STARD6: variants seen among roughly 807,000 people sequenced by gnomAD.
STARD6 encodes the protein stAR-related lipid transfer protein 6.
Under a neutral mutation model 22.3 loss-of-function variants are expected in STARD6, and 21 were observed. That is an observed-to-expected ratio of 0.94 (90% confidence interval 0.67 to 1.35). The LOEUF (loss-of-function observed/expected upper bound fraction) is 1.35. Among genes scored for constraint, STARD6 ranks in the 40% most tolerant of loss-of-function variants. The pLI is 0.00. For missense variants in STARD6, 269 were observed against 266.9 expected (o/e 1.01, Z -0.05); for synonymous variants, 80 against 88.1 (o/e 0.91, Z 0.52).
rs776387408 is a variant in STARD6 at position 54,337,121 on chromosome 18, T to C, written c.267+4A>G. The C allele has an allele frequency of 3.1e-6, 5 of 1,604,454 alleles. No homozygotes were observed. The highest frequency in any genetic ancestry group is 4.3e-6 in the Non-Finnish European group (5 of 1,176,288). On this transcript the variant is annotated splice_donor_region_variant and intron_variant, in intron 5 of 7. Coordinates refer to ENST00000307844, the MANE Select transcript of STARD6 (RefSeq NM_139171.2). ...TAGAAGTCCAGTATTAAACAACAAA[T>C]TACCGAATCAATCCTGTGTACCATA...
chr18:54,328,467 C>G (rs943636183), intron 7 of STARD6, among the ~76,000 whole-genome samples: 2 of 152,118 alleles, frequency 1.3e-5, no homozygotes, highest in Non-Finnish European at 2.9e-5. Flanking sequence ...GCCATAGATT[C>G]AAAATTGACA....
intron 6 of STARD6, among the ~76,000 whole-genome samples, 163 bp downstream of exon 6, chr18:54,331,579 G>A (rs1366680052): frequency 6.6e-6 from 1 of 152,128 alleles, no homozygotes; most frequent in East Asian, 1.9e-4. Context: ...CCTTCAGAGT[G>A]TCACTAGGCA....
intron 4 of STARD6, among the ~76,000 whole-genome samples, chr18:54,338,633 T>A (rs532147115): frequency 3.4e-5 from 5 of 148,766 alleles, no homozygotes; most frequent in East Asian, 2.0e-4. Context: ...AACGTTGTTT[T>A]AAAAAAAAAA....
intron 4 of STARD6, among the ~76,000 whole-genome samples, chr18:54,350,848 G>C (rs980741709): frequency 6.6e-6 from 1 of 152,092 alleles, no homozygotes; most frequent in Non-Finnish European, 1.5e-5. Context: ...CTACGTGCCT[G>C]TTTTTATACT....
chr18:54,353,923 C>A, intron 4 of STARD6, 131 bp downstream of exon 4: 1 of 515,958 alleles, frequency 1.9e-6, no homozygotes, highest in Admixed American at 4.0e-5. Flanking sequence ...ACATTTCTGC[C>A]TAGTGACTTA....
intron 4 of STARD6, among the ~76,000 whole-genome samples, chr18:54,338,872 AC>A (rs2088941227): frequency 6.6e-6 from 1 of 151,800 alleles, no homozygotes; most frequent in African/African-American, 2.4e-5. Flanking sequence ...ACATGGTGAA[AC>A]CCCGTCTCTA....
intron 7 of STARD6, among the ~76,000 whole-genome samples, chr18:54,328,040 T>C (rs1042500537): frequency 2.0e-5 from 3 of 152,126 alleles, no homozygotes; most frequent in Non-Finnish European, 4.4e-5. Flanking sequence ...GTATTCAGGC[T>C]GTATAGGCCA....
intron 4 of STARD6, among the ~76,000 whole-genome samples, chr18:54,348,776 C>T (rs879782040): frequency 1.1e-4 from 16 of 152,144 alleles, no homozygotes; most frequent in African/African-American, 2.4e-4. Flanking sequence ...CAGAAAGGAA[C>T]GAAATTCCAA....
At chr18:54,335,557 A>C (rs964986199) in intron 5 of STARD6, among the ~76,000 whole-genome samples, 1 of 152,026 alleles carries the variant, frequency 6.6e-6, no homozygotes, top group Non-Finnish European at 1.5e-5. Context: ...TGCTGGACCA[A>C]AGTTTGGAAT....
chr18:54,333,483 G>A (rs1326073492), intron 5 of STARD6, among the ~76,000 whole-genome samples: 7 of 152,130 alleles, frequency 4.6e-5, no homozygotes, highest in Non-Finnish European at 1.0e-4. Flanking sequence ...TAATCAAACT[G>A]TATGATTAGT....
At chr18:54,328,533 A>G (rs1399027147) in intron 7 of STARD6, among the ~76,000 whole-genome samples, 1 of 152,226 alleles carries the variant, frequency 6.6e-6, no homozygotes, top group East Asian at 1.9e-4. Flanking sequence ...ACAATCGTAT[A>G]CATTAACATG....
At chr18:54,331,065 T>C (rs1271798124) in intron 6 of STARD6, among the ~76,000 whole-genome samples, 1 of 152,062 alleles carries the variant, frequency 6.6e-6, no homozygotes, top group Non-Finnish European at 1.5e-5. Context: ...GAAACGTAGT[T>C]GTCCCTGGTG....
intron 5 of STARD6, among the ~76,000 whole-genome samples, chr18:54,334,651 C>T (rs1194524751): frequency 6.6e-6 from 1 of 151,990 alleles, no homozygotes; most frequent in African/African-American, 2.4e-5. Flanking sequence ...GTCTGTCTCC[C>T]TAACCTCCAT....
chr18:54,329,255 C>T, intron 7 of STARD6, 92 bp downstream of exon 7: 1 of 985,420 alleles, frequency 1.0e-6, no homozygotes, highest in Non-Finnish European at 1.5e-6. Flanking sequence ...TATGCTGCTA[C>T]ATATTTCTAC....
intron 4 of STARD6, among the ~76,000 whole-genome samples, chr18:54,341,599 A>G (rs2088969881): frequency 6.6e-6 from 1 of 152,240 alleles, no homozygotes; most frequent in Non-Finnish European, 1.5e-5. Context: ...ATGGAATTAA[A>G]TTTTAACAAC....
intron 5 of STARD6, 146 bp downstream of exon 5, chr18:54,336,979 G>T: frequency 1.6e-6 from 1 of 622,720 alleles, no homozygotes. Flanking sequence ...GGAAAGTAGG[G>T]AAGTTTTAAA....
intron 4 of STARD6, among the ~76,000 whole-genome samples, chr18:54,340,939 T>C (rs1018394701): frequency 3.3e-5 from 5 of 152,170 alleles, no homozygotes; most frequent in Non-Finnish European, 5.9e-5. Flanking sequence ...GAAGATGTAA[T>C]AACTATAAAC....
At chr18:54,348,581 T>C (rs780684640) in intron 4 of STARD6, among the ~76,000 whole-genome samples, 1 of 152,148 alleles carries the variant, frequency 6.6e-6, no homozygotes, top group Non-Finnish European at 1.5e-5. Flanking sequence ...CCTTATTCAT[T>C]TGTAAAATGG....
rs1423419036 is a variant in STARD6 at position 54,324,687 on chromosome 18, T to C, written c.*5A>G. ...AGCAGAACGGCCTCATTTCTTCTTT[T>C]GGTATCATGAATGACTATTATGATG... On this transcript the variant is annotated 3_prime_UTR_variant, in exon 8 of 8. Coordinates refer to ENST00000307844, the MANE Select transcript of STARD6 (RefSeq NM_139171.2). 1 of 1,611,844 alleles carries C rather than the reference T, an allele frequency of 6.2e-7. No individual in the cohort carries two copies. The highest frequency in any genetic ancestry group is 2.2e-5 in the East Asian group (1 of 44,688).
Sources: allele counts gnomAD v4.1 joint callset (sites outside exome capture counted in the v4.1 genomes callset), GRCh38; gene constraint gnomAD v4.1.1; transcripts MANE v1.5; gene names NCBI Gene and HGNC (gene_info 2026-07-23, HGNC 2026-07-21).